The following ENO3 variants were observed in gnomAD, a reference collection of about 807,000 sequenced individuals.
ENO3 encodes enolase 3.
ENO3 carries 46 observed loss-of-function variants against 47.7 expected under a neutral mutation model. That is an observed-to-expected ratio of 0.96 (90% CI 0.76 to 1.23). ENO3 has a LOEUF of 1.23. Ranked by LOEUF, ENO3 falls within the 50% of genes most tolerant of loss-of-function variation. ENO3 has a pLI of 0.00. For synonymous variants in ENO3, 223 were observed against 225.9 expected (o/e 0.99, Z 0.11); for missense variants, 575 against 566.2 (o/e 1.02, Z -0.16).
intron 9 of ENO3, 149 bp from the exon 10 acceptor site, chr17:4,956,424 C>A (rs986622609): frequency 2.3e-5 from 19 of 842,556 alleles, no homozygotes; most frequent in Non-Finnish European, 3.8e-5. Context: ...CAAGATAAGT[C>A]TTTTCCTCTC....
intron 2 of ENO3, chr17:4,952,343 A>ATTTT (rs11310549): frequency 2.5e-4 from 63 of 253,638 alleles, no homozygotes; most frequent in South Asian, 4.2e-4. Flanking sequence ...CGCCCAGCTA[A>ATTTT]TTTTTTTTTT....
chr17:4,957,023 G>A lies in ENO3; in HGVS notation c.1281G>A (p.Lys427=). ...LGDKAIFAGR[K]FRNPKAK Reference sequence around the variant, plus strand: ...ACAAGGCAATCTTTGCTGGACGCAAGTTCCGTAACCCGAAGGCCAAGTGAG... The same window carrying A: ...ACAAGGCAATCTTTGCTGGACGCAAATTCCGTAACCCGAAGGCCAAGTGAG... Residue 427 remains lysine, a synonymous_variant, in exon 12 of 12, where the codon AAG becomes AAA. Coordinates refer to ENST00000519602, the MANE Select transcript of ENO3 (RefSeq NM_053013.4). The A allele has an allele frequency of 1.2e-6, 2 of 1,614,202 alleles. No homozygotes were observed. The highest frequency in any genetic ancestry group is 1.1e-5 in the South Asian group (1 of 91,076).
At chr17:4,954,061 C>A in intron 6 of ENO3, 1 of 713,410 alleles carries the variant, frequency 1.4e-6, no homozygotes, top group Non-Finnish European at 2.3e-6. Flanking sequence ...TGCCATATAA[C>A]CCAGTTCCTT....
chr17:4,954,120 A>C, intron 6 of ENO3: 1 of 536,842 alleles, frequency 1.9e-6, no homozygotes. Context: ...CCAACCCCAC[A>C]CCCTACACCC....
chr17:4,955,679 G>C (rs539436944), intron 8 of ENO3, 75 bp downstream of exon 8: 12 of 1,593,006 alleles, frequency 7.5e-6, no homozygotes, highest in Non-Finnish European at 1.0e-5. Flanking sequence ...TCAGTGACCT[G>C]CTTTGCCATC....
upstream of ENO3, chr17:4,951,059 G>A (rs920048346): frequency 1.6e-5 from 16 of 986,090 alleles, no homozygotes; most frequent in Non-Finnish European, 1.8e-5. Flanking sequence ...AAAGAGAGGC[G>A]GGGCTGGCTG....
chr17:4,948,761 GT>G, upstream of ENO3: 1 of 265,312 alleles, frequency 3.8e-6, no homozygotes, highest in South Asian at 6.0e-5. Context: ...CGGGAGAGAG[GT>G]GAAGGGTAGG....
chr17:4,952,558 C>T (rs529456401), intron 2 of ENO3, among the ~76,000 whole-genome samples: 8 of 152,228 alleles, frequency 5.3e-5, no homozygotes, highest in Admixed American at 2.6e-4. Flanking sequence ...CTCCTGATCT[C>T]GTGATCCGCC....
chr17:4,952,253 T>C (rs1971562173), intron 2 of ENO3: 6 of 381,294 alleles, frequency 1.6e-5, no homozygotes, highest in Non-Finnish European at 3.0e-5. Context: ...CTCAGCTCAC[T>C]GCAACCTCTG....
chr17:4,951,796 G>A, intron 1 of ENO3, 32 bp from the exon 2 acceptor site: 1 of 1,608,132 alleles, frequency 6.2e-7, no homozygotes, highest in Non-Finnish European at 8.5e-7. Context: ...GAGATCAACT[G>A]TCTACACTCA....
intron 1 of ENO3, 89 bp from the exon 2 acceptor site, chr17:4,951,739 T>G: frequency 1.4e-6 from 2 of 1,434,190 alleles, no homozygotes. Context: ...CCTGCCTTCT[T>G]GGAGTGGGGA....
Position 4,956,606 on chromosome 17 carries a change from G to A in ENO3, c.1101G>A (p.Val367=). The change falls in exon 10 of 12, where the codon GTG becomes GTA. Residue 367 remains valine (V), a synonymous_variant. Coordinates refer to ENST00000519602, the MANE Select transcript of ENO3 (RefSeq NM_053013.4). The part of the protein sequence containing the change: ...CKLAQSNGWG[V]MVSHRSGETE... ...TGGCTCAGTCTAATGGCTGGGGGGT[G>A]ATGGTGAGCCACCGCTCTGGGGAGA... The A allele has an allele frequency of 1.2e-6, 2 of 1,614,184 alleles. No homozygotes were observed. The highest frequency in any genetic ancestry group is 1.7e-6 in the Non-Finnish European group (2 of 1,180,032).
rs1340590514 is a variant in ENO3 at position 4,952,867 on chromosome 17, A to G, written c.158A>G (p.Asp53Gly). 1.2e-6 allele frequency: 2 copies of G among 1,612,684 alleles called. No individual in the cohort carries two copies. The highest frequency in any genetic ancestry group is 4.5e-5 in the East Asian group (2 of 44,880). The change falls in exon 3 of 12, where the codon GAC becomes GGC. Residue 53 changes from aspartate (D) to glycine (G), a missense_variant. Asp to Gly is a moderately conservative substitution (Grantham distance 94, BLOSUM62 -1). Transcript: ENST00000519602. ...IYEALELRDG[D>G]KGRYLGKGVL... ...GAGGCTCTGGAACTAAGAGACGGAGACAAAGGCCGCTACCTGGGGAAAGGT... is the reference window on the plus strand; with the variant it reads ...GAGGCTCTGGAACTAAGAGACGGAGGCAAAGGCCGCTACCTGGGGAAAGGT...
chr17:4,953,376 G>A (rs1255924075), intron 5 of ENO3, 35 bp downstream of exon 5: 3 of 1,613,852 alleles, frequency 1.9e-6, no homozygotes, highest in Non-Finnish European at 2.5e-6. Context: ...AAGGGATGAG[G>A]TGTGGGAGAG....
chr17:4,955,276 A>T lies in ENO3; in HGVS notation c.646A>T (p.Asn216Tyr), dbSNP rs1466624823. ...NVGDEGGFAP[N>Y]ILENNEALEL... Reference sequence around the variant, plus strand: ...GGGTGATGAAGGTGGCTTCGCACCCAACATCCTGGAGAACAATGAGGGTCA... The same window carrying T: ...GGGTGATGAAGGTGGCTTCGCACCCTACATCCTGGAGAACAATGAGGGTCA... The change falls in exon 7 of 12, where the codon AAC (asparagine) becomes TAC (tyrosine). Residue 216 changes from asparagine to tyrosine, a missense_variant. Physicochemically the swap from Asn to Tyr is moderately radical, Grantham distance 143. Transcript: ENST00000519602. The T allele has an allele frequency of 1.2e-6, 2 of 1,614,136 alleles. No individual in the cohort carries two copies. Among genetic ancestry groups the T allele is most frequent in the East Asian group, 4.5e-5 (2 of 44,896 alleles).
At chr17:4,953,970 G>C in intron 6 of ENO3, 125 bp downstream of exon 6, 1 of 1,440,368 alleles carries the variant, frequency 6.9e-7, no homozygotes, top group Non-Finnish European at 9.5e-7. Context: ...TCCTGAAATT[G>C]AATCTCTCCT....
upstream of ENO3, among the ~76,000 whole-genome samples, chr17:4,949,625 G>C (rs1399892109): frequency 6.6e-6 from 1 of 152,168 alleles, no homozygotes; most frequent in East Asian, 1.9e-4. Context: ...CGGGACGGGC[G>C]GGACGGCCGT....
Position 4,955,946 on chromosome 17 carries a change from C to A in ENO3, c.870C>A (p.Val290=). The A allele has an allele frequency of 6.2e-7, 1 of 1,613,520 alleles. No homozygotes were observed. The highest frequency in any genetic ancestry group is 1.1e-5 in the South Asian group (1 of 90,974). Residue 290 remains valine (V), a synonymous_variant, in exon 9 of 12, where the codon GTC becomes GTA. Transcript: ENST00000519602. The stretch of plus-strand genomic sequence containing the variant: ...CTCTGCTCCAAACCCCACCAGTGGT[C>A]TCCATCGAAGACCCCTTTGACCAGG... ...YKSFIKNYPV[V]SIEDPFDQDD...
rs1417542017 is a variant in ENO3, at chr17:4,955,127, A to G, written c.497A>G (p.Gln166Arg). 2 of 1,614,188 alleles carry G rather than the reference A, an allele frequency of 1.2e-6. No homozygotes were observed. Among genetic ancestry groups the G allele is most frequent in the East Asian group, 2.2e-5 (1 of 44,882 alleles). Residue 166 changes from glutamine (Q) to arginine (R), a missense_variant, in exon 7 of 12, where the codon CAG becomes CGG. Physicochemically the swap from Gln to Arg is conservative, Grantham distance 43 (BLOSUM62 1). Coordinates refer to ENST00000519602, the MANE Select transcript of ENO3 (RefSeq NM_053013.4). ...CATGCTGGAAACAAGCTGGCCATGCAGGAGTTCATGATTCTGCCTGTGGGA... is the reference window on the plus strand; with the variant it reads ...CATGCTGGAAACAAGCTGGCCATGCGGGAGTTCATGATTCTGCCTGTGGGA... ...GSHAGNKLAM[Q>R]EFMILPVGAS...
Sources: allele counts gnomAD v4.1 joint callset (sites outside exome capture counted in the v4.1 genomes callset), GRCh38; gene constraint gnomAD v4.1.1; transcripts MANE v1.5; gene names NCBI Gene and HGNC (gene_info 2026-07-23, HGNC 2026-07-21).